The following CTNNB1 variants were observed in gnomAD, a reference collection of about 807,000 sequenced individuals.
CTNNB1 encodes the protein catenin beta-1.
CTNNB1 carries 6 observed loss-of-function variants against 82.5 expected under a neutral mutation model. The observed-to-expected ratio is 0.07, with a 90% confidence interval of 0.04 to 0.14. The LOEUF (loss-of-function observed/expected upper bound fraction) is 0.14, where lower values mean the gene tolerates loss of function less well. CTNNB1 is among the 10% of genes least tolerant of loss of function. CTNNB1 has a pLI of 1.00. For synonymous variants in CTNNB1, 312 were observed against 329.7 expected, an observed-to-expected ratio of 0.95 and a Z score of 0.58; for missense variants, 529 against 980.4, an observed-to-expected ratio of 0.54 and a Z score of 6.15.
At chr3:41,212,499 A>G (rs1440464558) in intron 1 of CTNNB1, among the ~76,000 whole-genome samples, 1 of 152,162 alleles carries the variant, frequency 6.6e-6, no homozygotes, top group African/African-American at 2.4e-5. Flanking sequence ...CACTGGACCT[A>G]CATGTTGGCC....
intron 1 of CTNNB1, among the ~76,000 whole-genome samples, chr3:41,207,386 A>G (rs1327795564): frequency 6.6e-6 from 1 of 152,188 alleles, no homozygotes; most frequent in African/African-American, 2.4e-5. Context: ...ATTATGCTGC[A>G]GATTCTATTA....
intron 14 of CTNNB1, among the ~76,000 whole-genome samples, chr3:41,238,862 C>T (rs538092473): frequency 9.2e-5 from 14 of 152,128 alleles, no homozygotes; most frequent in Non-Finnish European, 1.9e-4. Context: ...GCAGAGTGTT[C>T]AGGGTTAGAC....
At chr3:41,236,798 T>C in intron 13 of CTNNB1, 89 bp downstream of exon 13, 1 of 1,528,970 alleles carries the variant, frequency 6.5e-7, no homozygotes. Context: ...TTAGTACACA[T>C]TCATTTGCAT....
intron 11 of CTNNB1, 118 bp from the exon 12 acceptor site, chr3:41,236,231 A>G: frequency 2.6e-6 from 3 of 1,174,400 alleles, no homozygotes; most frequent in South Asian, 2.5e-5. Flanking sequence ...AGAGAATATT[A>G]TTTACTACAG....
At chr3:41,208,168 A>C (rs1368228330) in intron 1 of CTNNB1, among the ~76,000 whole-genome samples, 1 of 152,190 alleles carries the variant, frequency 6.6e-6, no homozygotes, top group Non-Finnish European at 1.5e-5. Context: ...GTGGTCTGGT[A>C]ACTGTTACCT....
At position 41,239,436 on chromosome 3, in the gene CTNNB1, G is replaced by C. The variant is rs1397073915; in HGVS notation, c.*94G>C. 1.7e-6 allele frequency: 2 copies of C among 1,155,084 alleles called. No individual in the cohort carries two copies. Among genetic ancestry groups the C allele is most frequent in the Non-Finnish European group, 1.3e-6 (1 of 791,900 alleles). 71.6% of individuals were successfully genotyped at this position (1,155,084 alleles called of 1,614,324 possible). A position where few individuals can be genotyped will look rare whatever the true frequency, so the allele number is the denominator to read the frequency against. On this transcript the variant is annotated 3_prime_UTR_variant, in exon 15 of 15. Coordinates refer to ENST00000349496, the MANE Select transcript of CTNNB1 (RefSeq NM_001904.4). ...TTCAGAAAGACTTGGTTGGTAGGGTGGGAGTGGTTTAGGCTATTTGTAAAT... is the reference window on the plus strand; with the variant it reads ...TTCAGAAAGACTTGGTTGGTAGGGTCGGAGTGGTTTAGGCTATTTGTAAAT...
chr3:41,217,849 C>CT (rs1382333261), intron 1 of CTNNB1, among the ~76,000 whole-genome samples: 1 of 152,044 alleles, frequency 6.6e-6, no homozygotes, highest in Non-Finnish European at 1.5e-5. Context: ...ATGATTCTTT[C>CT]TTTTTTTGAC....
intron 9 of CTNNB1, 72 bp from the exon 10 acceptor site, chr3:41,234,067 G>C: frequency 6.3e-7 from 1 of 1,589,082 alleles, no homozygotes; most frequent in Non-Finnish European, 8.6e-7. Context: ...AATAGATTTA[G>C]TGTGGTGGGA....
chr3:41,210,055 G>C (rs906467900), intron 1 of CTNNB1, among the ~76,000 whole-genome samples: 4 of 151,990 alleles, frequency 2.6e-5, no homozygotes, highest in African/African-American at 9.7e-5. Flanking sequence ...ATAACACGTA[G>C]CTTAAAACAT....
At chr3:41,205,737 G>A (rs939452818) in intron 1 of CTNNB1, among the ~76,000 whole-genome samples, 3 of 152,182 alleles carry the variant, frequency 2.0e-5, no homozygotes, top group Non-Finnish European at 4.4e-5. Context: ...GAGTGAAAAT[G>A]TAAATCATAG....
chr3:41,200,167 G>T (rs1264260700), intron 1 of CTNNB1: 1 of 152,192 alleles, frequency 6.6e-6, no homozygotes, highest in African/African-American at 2.4e-5. Context: ...CAGTCCTGGG[G>T]ATCGGACCAG....
At chr3:41,213,985 A>C (rs927239483) in intron 1 of CTNNB1, among the ~76,000 whole-genome samples, 5 of 152,212 alleles carry the variant, frequency 3.3e-5, no homozygotes, top group African/African-American at 1.2e-4. Context: ...AGAATAACAT[A>C]AACTTGACAT....
At chr3:41,201,770 G>A (rs1303019603) in intron 1 of CTNNB1, among the ~76,000 whole-genome samples, 1 of 152,100 alleles carries the variant, frequency 6.6e-6, no homozygotes, top group East Asian at 1.9e-4. Context: ...GAGTATGGAA[G>A]AGGGGTTTTT....
chr3:41,233,642 G>C lies in CTNNB1; in HGVS notation c.1299G>C (p.Lys433Asn), dbSNP rs1227678830. ...CTAACCTCACTTGCAATAATTATAA[G>C]AACAAGATGATGGTCTGCCAAGTGG... is the stretch of plus-strand genomic sequence containing the variant. The part of the protein sequence containing the change: ...ILSNLTCNNY[K>N]NKMMVCQVGG... The change falls in exon 9 of 15, where the codon AAG (lysine) becomes AAC (asparagine). Residue 433 changes from lysine (K) to asparagine (N), a missense_variant. Around this residue, in one of 4 missense-constraint regions of CTNNB1, gnomAD observed 411 missense variants for 776.4 expected, o/e 0.53. Coordinates refer to ENST00000349496, the MANE Select transcript of CTNNB1 (RefSeq NM_001904.4). 2 of 1,614,140 alleles carry C rather than the reference G, an allele frequency of 1.2e-6. No individual in the cohort carries two copies. Among genetic ancestry groups the C allele is most frequent in the Non-Finnish European group, 8.5e-7 (1 of 1,180,028 alleles).
In CTNNB1 at chr3:41,227,661, A is replaced by T. The variant is rs5743395; in HGVS notation, c.1081+309A>T. On this transcript the variant is annotated intron_variant, in intron 7 of 14. Coordinates refer to ENST00000349496, the MANE Select transcript of CTNNB1 (RefSeq NM_001904.4). ...CAGAGCTGTGAATTTATAGGAGAAA[A>T]GACAAATTCTAATATAGTACAGTTT... Among the ~76,000 whole-genome samples the T allele has an allele frequency of 0.4, 60,513 of 152,058 alleles. 12,409 individuals carry two copies. The highest frequency in any genetic ancestry group is 0.45 in the Non-Finnish European group (30,852 of 67,954).
Position 41,203,142 on chromosome 3 carries a change from A to ATTCATT in CTNNB1, c.-49+3472_-49+3473insTTCATT, listed in dbSNP as rs777745544. On this transcript the variant is annotated intron_variant, in intron 1 of 14. Transcript: ENST00000349496. ...GAAGCAGCAGAGTGAGTAGTGTTGG[A>ATTCATT]GCATGTTTTCATTGCATGCTTGGGT... Among the ~76,000 whole-genome samples the ATTCATT allele has an allele frequency of 2.8e-3, 416 of 150,230 alleles. 2 individuals are homozygous for ATTCATT. Among genetic ancestry groups the ATTCATT allele is most frequent in the African/African-American group, 9.1e-3 (371 of 40,738 alleles).
chr3:41,238,516 A>G (rs1031049178), intron 14 of CTNNB1: 1 of 201,130 alleles, frequency 5.0e-6, no homozygotes, highest in Non-Finnish European at 1.0e-5. Context: ...GGTAATGAAC[A>G]TGGAGGATGG....
chr3:41,236,213 T>G, intron 11 of CTNNB1, 136 bp from the exon 12 acceptor site: 1 of 1,105,204 alleles, frequency 9.0e-7, no homozygotes, highest in Non-Finnish European at 1.4e-6. Context: ...CCCCAAGACA[T>G]AAAATTCAGA....
chr3:41,205,414 A>C (rs918972580), intron 1 of CTNNB1, among the ~76,000 whole-genome samples: 1 of 152,178 alleles, frequency 6.6e-6, no homozygotes, highest in Admixed American at 6.5e-5. Context: ...CCAGATTTTG[A>C]AAAGTGGGGT....
Sources: allele counts gnomAD v4.1 joint callset (sites outside exome capture counted in the v4.1 genomes callset), GRCh38; gene constraint gnomAD v4.1.1; regional missense constraint gnomAD v4.1.1; transcripts MANE v1.5; gene names NCBI Gene and HGNC (gene_info 2026-07-23, HGNC 2026-07-21).